PDE8B: variants seen among roughly 807,000 people sequenced by gnomAD.
PDE8B encodes phosphodiesterase 8B.
PDE8B carries 26 observed loss-of-function variants against 101.3 expected under a neutral mutation model. The observed-to-expected ratio is 0.26, with a 90% CI of 0.19 to 0.36. PDE8B has a LOEUF of 0.36. PDE8B is among the 10% of genes least tolerant of loss of function. PDE8B has a pLI of 1.00. For synonymous variants in PDE8B, 424 were observed against 429.3 expected (o/e 0.99, Z 0.15); for missense variants, 810 against 1,163.1 (o/e 0.70, Z 4.42).
intron 1 of PDE8B, among the ~76,000 whole-genome samples, chr5:77,216,935 T>C (rs1183410413): frequency 6.6e-6 from 1 of 152,212 alleles, no homozygotes; most frequent in Non-Finnish European, 1.5e-5. Context: ...TAAGAGATGT[T>C]CAGTGTCACT....
At chr5:77,185,672 G>T in the PDE8B span, among the ~76,000 whole-genome samples, 1 of 152,234 alleles carries the variant, frequency 6.6e-6, no homozygotes, top group African/African-American at 2.4e-5. Context: ...AGGTTACTGA[G>T]CCATGTTATG....
intron 2 of PDE8B, among the ~76,000 whole-genome samples, chr5:77,313,249 A>G (rs1773078266): frequency 6.6e-6 from 1 of 152,192 alleles, no homozygotes; most frequent in Non-Finnish European, 1.5e-5. Flanking sequence ...GAAAAAGAAA[A>G]TAGTGTTTTA....
At chr5:77,309,943 C>CTTTTTTTTTTTTTT (rs955296324) in intron 1 of PDE8B, among the ~76,000 whole-genome samples, 7 of 114,164 alleles carry the variant, frequency 6.1e-5, no homozygotes, top group African/African-American at 1.6e-4. Context: ...AATCATTAAT[C>CTTTTTTTTTTTTTT]TTTTTTTTTT....
intron 12 of PDE8B, 60 bp from the exon 13 acceptor site, chr5:77,407,321 G>T: frequency 7.8e-7 from 1 of 1,286,726 alleles, no homozygotes; most frequent in Non-Finnish European, 1.1e-6. Context: ...GGACTCCTTT[G>T]CTGCACTTAG....
chr5:77,126,341 A>T, the PDE8B span, among the ~76,000 whole-genome samples: 1 of 152,180 alleles, frequency 6.6e-6, no homozygotes, highest in Non-Finnish European at 1.5e-5. Context: ...CTTATTTGCC[A>T]ATATACGTCA....
intron 10 of PDE8B, among the ~76,000 whole-genome samples, chr5:77,367,372 C>T (rs1457821924): frequency 2.0e-5 from 3 of 152,072 alleles, no homozygotes; most frequent in Non-Finnish European, 4.4e-5. Flanking sequence ...AGTGTCGTCC[C>T]TTGTGGAGTG....
At chr5:77,361,516 CTTT>C (rs34128451) in intron 10 of PDE8B, among the ~76,000 whole-genome samples, 6 of 139,952 alleles carry the variant, frequency 4.3e-5, no homozygotes, top group Admixed American at 1.4e-4. Flanking sequence ...TTTCATCTTA[CTTT>C]TTTTTTTTTT....
chr5:77,265,249 T>C (rs1181907455), intron 1 of PDE8B, among the ~76,000 whole-genome samples: 1 of 152,190 alleles, frequency 6.6e-6, no homozygotes, highest in Non-Finnish European at 1.5e-5. Flanking sequence ...AGTGGTGGTG[T>C]TGGCACAATA....
chr5:77,125,174 T>A, the PDE8B span, among the ~76,000 whole-genome samples: 1 of 151,032 alleles, frequency 6.6e-6, no homozygotes, highest in Non-Finnish European at 1.5e-5. Flanking sequence ...TTTATTTTAA[T>A]TTTTTTTTGT....
chr5:77,098,275 C>T, the PDE8B span, among the ~76,000 whole-genome samples: 1 of 143,414 alleles, frequency 7.0e-6, no homozygotes, highest in Non-Finnish European at 1.5e-5. Context: ...TTCAGACCCA[C>T]CTTCCTCTTT....
chr5:77,341,753 T>C (rs779371464), intron 6 of PDE8B, among the ~76,000 whole-genome samples: 9 of 152,338 alleles, frequency 5.9e-5, no homozygotes, highest in Non-Finnish European at 1.0e-4. Context: ...CTGTCTCTTA[T>C]GAGGCAGTGC....
chr5:77,099,511 C>G, the PDE8B span, among the ~76,000 whole-genome samples: 3 of 152,194 alleles, frequency 2.0e-5, no homozygotes, highest in Admixed American at 6.5e-5. Context: ...TGTTACTGGC[C>G]TCAGTGTACT....
chr5:77,276,263 C>G (rs1273555744), intron 1 of PDE8B, among the ~76,000 whole-genome samples: 1 of 152,144 alleles, frequency 6.6e-6, no homozygotes, highest in Admixed American at 6.5e-5. Context: ...CCTGCTGTTC[C>G]CTCTGCTGGG....
chr5:77,392,360 G>A (rs11742634), intron 10 of PDE8B, among the ~76,000 whole-genome samples: 105 of 152,144 alleles, frequency 6.9e-4, no homozygotes, highest in Middle Eastern at 3.2e-3. Flanking sequence ...ACATTAATAA[G>A]AACTTAAGAA....
At chr5:77,358,025 A>G (rs1263274685) in intron 10 of PDE8B, among the ~76,000 whole-genome samples, 1 of 151,688 alleles carries the variant, frequency 6.6e-6, no homozygotes, top group Non-Finnish European at 1.5e-5. Context: ...CTCTCCCCAC[A>G]TTTGCCCATT....
chr5:77,350,829 C>T (rs1240960283), intron 8 of PDE8B, among the ~76,000 whole-genome samples: 1 of 152,228 alleles, frequency 6.6e-6, no homozygotes, highest in Non-Finnish European at 1.5e-5. Context: ...ATTCCACCCA[C>T]AGGTCAAGTG....
At chr5:77,419,029 C>T (rs1349371029) in intron 18 of PDE8B, among the ~76,000 whole-genome samples, 1 of 152,210 alleles carries the variant, frequency 6.6e-6, no homozygotes, top group Non-Finnish European at 1.5e-5. Context: ...ATGGAGCTCA[C>T]TCGGGCCTCA....
chr5:77,377,336 A>C (rs1007226086), intron 10 of PDE8B, among the ~76,000 whole-genome samples: 28 of 152,210 alleles, frequency 1.8e-4, no homozygotes, highest in African/African-American at 6.5e-4. Context: ...AAAGGATGGC[A>C]CCGGACCTGC....
At chr5:77,186,752 G>A in the PDE8B span, among the ~76,000 whole-genome samples, 1 of 152,166 alleles carries the variant, frequency 6.6e-6, no homozygotes, top group Non-Finnish European at 1.5e-5. Context: ...GGTTTCTCCT[G>A]GGTAGGGTGA....
Sources: allele counts gnomAD v4.1 joint callset (sites outside exome capture counted in the v4.1 genomes callset), GRCh38; gene constraint gnomAD v4.1.1; transcripts MANE v1.5; gene names NCBI Gene and HGNC (gene_info 2026-07-23, HGNC 2026-07-21).